LINC00305: variants seen among roughly 807,000 people sequenced by gnomAD.
The protein encoded by LINC00305 is long independently transcribed non-coding RNA 305, also known as long intergenic non-protein coding RNA 305.
intron 1 of LINC00305, among the ~76,000 whole-genome samples, chr18:64,127,963 G>A (rs2051392693): frequency 6.6e-6 from 1 of 152,052 alleles, no homozygotes; most frequent in African/African-American, 2.4e-5. Flanking sequence ...GTTGATTTCA[G>A]TTTTACATGC....
At chr18:64,080,994 C>A (rs549817901) in intron 3 of LINC00305, among the ~76,000 whole-genome samples, 2 of 152,246 alleles carry the variant, frequency 1.3e-5, no homozygotes, top group African/African-American at 4.8e-5. Context: ...AAATTGGTCT[C>A]AAGATACAAA....
intron 3 of LINC00305, among the ~76,000 whole-genome samples, chr18:64,089,239 T>A (rs1032550827): frequency 6.6e-5 from 10 of 152,154 alleles, no homozygotes; most frequent in African/African-American, 2.4e-4. Context: ...TCTCATTAGA[T>A]CTGATGGTTT....
At chr18:64,137,951 GAGT>G (rs1457837404) in intron 1 of LINC00305, among the ~76,000 whole-genome samples, 1 of 151,814 alleles carries the variant, frequency 6.6e-6, no homozygotes, top group Non-Finnish European at 1.5e-5. Flanking sequence ...CTTTGTTTTA[GAGT>G]ATTGCCTGAT....
At chr18:64,129,697 A>T (rs1001885148) in intron 1 of LINC00305, among the ~76,000 whole-genome samples, 7 of 152,168 alleles carry the variant, frequency 4.6e-5, no homozygotes, top group Non-Finnish European at 7.4e-5. Flanking sequence ...GAAAATATCC[A>T]TTATAATATT....
intron 1 of LINC00305, among the ~76,000 whole-genome samples, chr18:64,134,451 T>G (rs567149828): frequency 1.3e-5 from 2 of 152,322 alleles, no homozygotes; most frequent in African/African-American, 4.8e-5. Context: ...ATGCTTTTGT[T>G]TTTTTCTGGA....
At chr18:64,121,159 T>A (rs1161747192) in intron 1 of LINC00305, among the ~76,000 whole-genome samples, 1 of 152,112 alleles carries the variant, frequency 6.6e-6, no homozygotes, top group African/African-American at 2.4e-5. Context: ...ACAAAGCAAA[T>A]CACTAAACAT....
At chr18:64,113,230 C>T (rs1189512387) in intron 1 of LINC00305, among the ~76,000 whole-genome samples, 1 of 152,182 alleles carries the variant, frequency 6.6e-6, no homozygotes, top group Non-Finnish European at 1.5e-5. Context: ...CCACTTACTG[C>T]CTTAGCAATT....
At chr18:64,110,625 T>C (rs757625995) in intron 1 of LINC00305, among the ~76,000 whole-genome samples, 27 of 152,338 alleles carry the variant, frequency 1.8e-4, no homozygotes, top group Non-Finnish European at 3.8e-4. Flanking sequence ...GATCTTCTTT[T>C]TGGAAGTGAC....
In LINC00305 at chr18:64,114,637, C is replaced by G. The variant is rs150446825; in HGVS notation, n.315-15997G>C. Among the ~76,000 whole-genome samples the G allele has an allele frequency of 1.8e-3, 280 of 152,308 alleles. 7 individuals carry two copies. In the East Asian group the frequency reaches 0.048, roughly 26 times the overall value. ...GATCTTGGCTCACTTCAACCTCTGCCTCCTGGGTTCAAGTGATTCTCCTGC... is the reference window on the plus strand; with the variant it reads ...GATCTTGGCTCACTTCAACCTCTGCGTCCTGGGTTCAAGTGATTCTCCTGC... On this transcript the variant is annotated intron_variant and non_coding_transcript_variant, in intron 1 of 3. Coordinates refer to ENST00000666468, the Ensembl canonical transcript of LINC00305.
In LINC00305 at chr18:64,143,772, G is replaced by A. The variant is rs111777519; in HGVS notation, n.314+5003C>T. ...GTACATGTATGTACACATATTATGC[G>A]TACATGTATGTACACATATTATGCG... On this transcript the variant is annotated intron_variant and non_coding_transcript_variant, in intron 1 of 3. Coordinates refer to ENST00000666468, the Ensembl canonical transcript of LINC00305. 1.8e-3 allele frequency among the ~76,000 whole-genome samples: 168 copies of A among 93,710 alleles called. 2 individuals carry two copies. Among genetic ancestry groups the A allele is most frequent in the Middle Eastern group, 0.012 (2 of 170 alleles). 61.5% of individuals were successfully genotyped at this position (93,710 alleles called of 152,430 possible). A position where few individuals can be genotyped will look rare whatever the true frequency, so the allele number is the denominator to read the frequency against.
intron 1 of LINC00305, among the ~76,000 whole-genome samples, chr18:64,100,890 G>A (rs2051265621): frequency 6.6e-6 from 1 of 152,130 alleles, no homozygotes; most frequent in African/African-American, 2.4e-5. Context: ...TCTTCTGTTT[G>A]CAATAGAGTG....
chr18:64,098,106 A>G (rs1191405904), intron 2 of LINC00305: 2 of 419,814 alleles, frequency 4.8e-6, no homozygotes, highest in Non-Finnish European at 9.7e-6. Context: ...AAGTTCTCTG[A>G]CCAACATTGT....
At chr18:64,091,016 A>C (rs189868296) in intron 3 of LINC00305, among the ~76,000 whole-genome samples, 2 of 152,338 alleles carry the variant, frequency 1.3e-5, no homozygotes, top group African/African-American at 4.8e-5. Context: ...CAGGACTGAC[A>C]AGAAAAGGAG....
intron 1 of LINC00305, among the ~76,000 whole-genome samples, chr18:64,142,041 A>G (rs1195471067): frequency 6.6e-6 from 1 of 152,222 alleles, no homozygotes; most frequent in Non-Finnish European, 1.5e-5. Flanking sequence ...ATAGTTGTGT[A>G]GGAACTAGCA....
intron 1 of LINC00305, among the ~76,000 whole-genome samples, chr18:64,099,479 G>T (rs534027274): frequency 6.6e-6 from 1 of 152,278 alleles, no homozygotes; most frequent in East Asian, 1.9e-4. Context: ...CTGAGGCAGG[G>T]TTGGACCCAG....
chr18:64,142,720 C>T (rs531982409), intron 1 of LINC00305, among the ~76,000 whole-genome samples: 2 of 152,254 alleles, frequency 1.3e-5, no homozygotes, highest in Non-Finnish European at 2.9e-5. Context: ...CACCTGCGCC[C>T]TATTCCACTC....
At chr18:64,143,748 T>C (rs941150598) in intron 1 of LINC00305, among the ~76,000 whole-genome samples, 4 of 71,864 alleles carry the variant, frequency 5.6e-5, no homozygotes, top group Non-Finnish European at 1.2e-4. Flanking sequence ...ATATTATGCG[T>C]ACATGTATGT....
chr18:64,092,196 T>C (rs1017842491), intron 3 of LINC00305, among the ~76,000 whole-genome samples: 1 of 152,252 alleles, frequency 6.6e-6, no homozygotes, highest in African/African-American at 2.4e-5. Flanking sequence ...TCTAGTTTCA[T>C]GTTCTTTTCA....
chr18:64,117,302 G>A (rs181676711), intron 1 of LINC00305, among the ~76,000 whole-genome samples: 1 of 152,096 alleles, frequency 6.6e-6, no homozygotes, highest in Non-Finnish European at 1.5e-5. Context: ...CACCATGATA[G>A]CTTCTTTGCA....
Sources: allele counts gnomAD v4.1 joint callset (sites outside exome capture counted in the v4.1 genomes callset), GRCh38; gene constraint gnomAD v4.1.1; transcripts MANE v1.5; gene names NCBI Gene and HGNC (gene_info 2026-07-23, HGNC 2026-07-21).